The following SEMA3A variants were observed in gnomAD, a reference collection of about 807,000 sequenced individuals.
The protein encoded by SEMA3A is semaphorin-3A.
Under a neutral mutation model 97.9 loss-of-function variants are expected in SEMA3A, and 29 were observed. The ratio of observed to expected loss-of-function variants is 0.30; its 90% CI spans 0.22 to 0.40. The LOEUF (loss-of-function observed/expected upper bound fraction) is 0.40. Ranked by LOEUF, SEMA3A falls within the 10% of genes least tolerant of loss-of-function variation. The pLI, the probability that SEMA3A is intolerant of heterozygous loss-of-function variation, is 1.00. For missense variants in SEMA3A, 763 were observed against 951.3 expected (o/e 0.80, Z 2.60); for synonymous variants, 321 against 323.7 (o/e 0.99, Z 0.09).
At chr7:84,209,933 G>A (rs923471395) in intron 3 of SEMA3A, among the ~76,000 whole-genome samples, 9 of 152,096 alleles carry the variant, frequency 5.9e-5, no homozygotes, top group Admixed American at 5.2e-4. Flanking sequence ...TTTCTGGAGG[G>A]TGTCTACCAT....
chr7:83,981,791 T>A (rs1789425699), intron 13 of SEMA3A, among the ~76,000 whole-genome samples: 1 of 152,186 alleles, frequency 6.6e-6, no homozygotes, highest in African/African-American at 2.4e-5. Context: ...GCAAGTTTGC[T>A]TTTTTACCTT....
At chr7:84,035,979 C>T (rs1163448080) in intron 6 of SEMA3A, among the ~76,000 whole-genome samples, 2 of 151,970 alleles carry the variant, frequency 1.3e-5, no homozygotes, top group Non-Finnish European at 2.9e-5. Flanking sequence ...ACAATAATTT[C>T]CAATTTCTTG....
intron 4 of SEMA3A, among the ~76,000 whole-genome samples, chr7:84,072,145 T>G (rs1410055742): frequency 6.6e-6 from 1 of 152,106 alleles, no homozygotes; most frequent in East Asian, 1.9e-4. Context: ...TAGTCTACTC[T>G]TGTTATAAAA....
At chr7:84,400,938 G>T (rs1194548346) in intron 1 of SEMA3A, among the ~76,000 whole-genome samples, 1 of 152,238 alleles carries the variant, frequency 6.6e-6, no homozygotes, top group African/African-American at 2.4e-5. Context: ...AAAACTGAAA[G>T]CTTTTCCTGT....
In SEMA3A at chr7:84,211,907, G is replaced by A. The variant is rs79834899; in HGVS notation, c.-82-17239C>T. On this transcript the variant is annotated intron_variant, in intron 3 of 3. Coordinates refer to the SEMA3A transcript ENST00000424555. ...TAGGCTGAGGACAGAACTCTGCATT[G>A]TGGTGAGGAACAGGTAAAAGAGTAT... Among the ~76,000 whole-genome samples, 22 of 152,318 alleles carry A rather than the reference G, an allele frequency of 1.4e-4. No individual in the cohort carries two copies. The East Asian group carries it at 3.9e-3, about 27-fold the overall frequency.
rs1210198867 is a variant in SEMA3A at position 84,072,681 on chromosome 7, GAAA to G, written c.454-12126_454-12124del. ...ATATAGGTATTTGGAATACGGAGGT[GAAA>G]GATCTAGTTGTGAATCTCAAGGAGT... On this transcript the variant is annotated intron_variant, in intron 4 of 16. Coordinates refer to ENST00000265362, the MANE Select transcript of SEMA3A (RefSeq NM_006080.3). 5.9e-5 allele frequency among the ~76,000 whole-genome samples: 8 copies of G among 134,794 alleles called. No homozygotes were observed. The East Asian group carries it at 2.4e-3, about 40-fold the overall frequency. The allele number at this position is 134,794 out of a possible 152,430, so 88.4% of individuals were successfully genotyped here. A position where few individuals can be genotyped will look rare whatever the true frequency, so the allele number is the denominator to read the frequency against.
At position 84,014,329 on chromosome 7, in the gene SEMA3A, G is replaced by A. The variant is rs765600054; in HGVS notation, c.690C>T (p.His230=). 4 of 1,610,950 alleles carry A rather than the reference G, an allele frequency of 2.5e-6. No individual in the cohort carries two copies. In the East Asian group the frequency reaches 8.9e-5, roughly 36 times the overall value. Residue 230 remains histidine (H), a synonymous_variant, in exon 7 of 17, where the codon CAC becomes CAT. Coordinates refer to ENST00000265362, the MANE Select transcript of SEMA3A (RefSeq NM_006080.3). ...CAGGATTGTCACTCTCTGAGATGAG[G>A]TGGGCACTAATGAACTTTGGATCTG... The part of the protein sequence containing the change: ...WLNDPKFISA[H]LISESDNPED...
At chr7:84,196,575 T>C (rs1798238282), upstream of SEMA3A, among the ~76,000 whole-genome samples, 1 of 152,188 alleles carries the variant, frequency 6.6e-6, no homozygotes, top group African/African-American at 2.4e-5. Context: ...GCCAGTATTG[T>C]TAAGAAAATA....
At chr7:84,158,700 G>A (rs1796932415) in intron 1 of SEMA3A, among the ~76,000 whole-genome samples, 1 of 152,116 alleles carries the variant, frequency 6.6e-6, no homozygotes, top group Admixed American at 6.5e-5. Flanking sequence ...CTGGCACACT[G>A]TCAGTGCTCA....
chr7:83,972,659 G>A (rs1018898227), intron 15 of SEMA3A, among the ~76,000 whole-genome samples: 1 of 152,032 alleles, frequency 6.6e-6, no homozygotes, highest in Non-Finnish European at 1.5e-5. Context: ...AATGGTATGT[G>A]ATCCTTATAA....
At chr7:84,052,647 C>G (rs1792734455) in intron 5 of SEMA3A, among the ~76,000 whole-genome samples, 2 of 151,816 alleles carry the variant, frequency 1.3e-5, no homozygotes, top group African/African-American at 4.8e-5. Context: ...TTTTGTTGAT[C>G]CTTTCAAAAA....
intron 3 of SEMA3A, among the ~76,000 whole-genome samples, chr7:84,125,707 G>C (rs1445925287): frequency 6.6e-6 from 1 of 152,174 alleles, no homozygotes; most frequent in South Asian, 2.1e-4. Flanking sequence ...CAGGGAGAGA[G>C]AGGCAAAGAT....
At chr7:84,415,374 G>A (rs923711203) in intron 1 of SEMA3A, among the ~76,000 whole-genome samples, 18 of 152,120 alleles carry the variant, frequency 1.2e-4, no homozygotes, top group African/African-American at 4.3e-4. Context: ...ACAAGTATCA[G>A]AATTTGTTTT....
At chr7:84,003,900 G>A (rs561326596) in intron 11 of SEMA3A, among the ~76,000 whole-genome samples, 1 of 151,826 alleles carries the variant, frequency 6.6e-6, no homozygotes, top group African/African-American at 2.4e-5. Context: ...TCTTTTATTT[G>A]GTAGAGAAAC....
At chr7:84,334,657 C>T (rs1446623737) in intron 2 of SEMA3A, among the ~76,000 whole-genome samples, 1 of 151,016 alleles carries the variant, frequency 6.6e-6, no homozygotes, top group Non-Finnish European at 1.5e-5. Flanking sequence ...GCCTCCTGGT[C>T]ACCCCCATGT....
At chr7:83,965,661 TATATA>T (rs1322930180) in intron 15 of SEMA3A, among the ~76,000 whole-genome samples, 10 of 12,750 alleles carry the variant, frequency 7.8e-4, no homozygotes, top group Non-Finnish European at 1.4e-3. Context: ...TATATATATA[TATATA>T]TTTTTTTTTT....
intron 4 of SEMA3A, among the ~76,000 whole-genome samples, chr7:84,074,318 T>G (rs925614788): frequency 6.6e-6 from 1 of 152,140 alleles, no homozygotes. Context: ...ATTATAAGCT[T>G]CATAAAATTA....
At chr7:84,005,630 C>G (rs1790636492) in intron 10 of SEMA3A, 72 bp from the exon 11 acceptor site, 1 of 1,050,734 alleles carries the variant, frequency 9.5e-7, no homozygotes, top group Non-Finnish European at 1.4e-6. Context: ...TATAATAACA[C>G]ATGGCCTCAA....
chr7:84,295,352 A>G (rs1800843008), intron 3 of SEMA3A, among the ~76,000 whole-genome samples: 1 of 152,068 alleles, frequency 6.6e-6, no homozygotes, highest in African/African-American at 2.4e-5. Flanking sequence ...CTGTAGAGGT[A>G]AAGATTTCCG....
Sources: gnomAD v4.1 joint callset for allele counts (sites outside exome capture counted in the v4.1 genomes callset) on GRCh38, gnomAD v4.1.1 for gene constraint, MANE v1.5 for transcripts, NCBI Gene and HGNC (gene_info 2026-07-23, HGNC 2026-07-21) for gene names.